CEP126: variants seen among roughly 807,000 people sequenced by gnomAD.
CEP126 encodes centrosomal protein of 126 kDa.
CEP126 carries 74 observed loss-of-function variants against 107.8 expected under a neutral mutation model. The ratio of observed to expected loss-of-function variants is 0.69; its 90% confidence interval spans 0.57 to 0.83. The LOEUF is 0.83. Ranked by LOEUF, CEP126 falls within the 40% of genes least tolerant of loss-of-function variation. The probability of loss-of-function intolerance (pLI) is 0.00; values close to 1 mark genes in which losing one functional copy is unlikely to be tolerated. For synonymous variants in CEP126, 449 were observed against 446.0 expected (o/e 1.01, Z -0.08); for missense variants, 1,237 against 1,281.9 (o/e 0.96, Z 0.53).
chr11:101,942,215 A>G (rs1940675100), intron 2 of CEP126, among the ~76,000 whole-genome samples: 1 of 152,144 alleles, frequency 6.6e-6, no homozygotes, highest in South Asian at 2.1e-4. Context: ...ACTCAATGTC[A>G]TGAAGCTTTT....
intron 4 of CEP126, among the ~76,000 whole-genome samples, chr11:101,948,546 C>T (rs1216328393): frequency 6.6e-6 from 1 of 152,048 alleles, no homozygotes; most frequent in Non-Finnish European, 1.5e-5. Context: ...GAAAATCTCT[C>T]CTGGATGTCT....
chr11:101,922,674 A>G lies in CEP126; in HGVS notation c.162A>G (p.Glu54=). The G allele has an allele frequency of 6.2e-7, 1 of 1,609,166 alleles. No individual in the cohort carries two copies. The highest frequency in any genetic ancestry group is 1.1e-5 in the South Asian group (1 of 90,964). ...DMKIHLEKNL[E]EERQILLQQQ... is the part of the protein sequence containing the mutation. ...AAATCCATCTGGAGAAAAATTTAGA[A>G]GAAGAGCGCCAGATATTACTGCAGC... is the stretch of plus-strand genomic sequence containing the variant. Residue 54 remains glutamate (E), a synonymous_variant, in exon 2 of 11, where the codon GAA becomes GAG. Coordinates refer to ENST00000263468, the MANE Select transcript of CEP126 (RefSeq NM_020802.4).
At chr11:101,958,503 A>G (rs1940930164) in intron 5 of CEP126, 137 bp downstream of exon 5, 1 of 665,842 alleles carries the variant, frequency 1.5e-6, no homozygotes, top group Admixed American at 2.9e-5. Context: ...GAATCAGCAC[A>G]AATTCATCAT....
At chr11:101,917,949 G>C (rs76811856) in intron 1 of CEP126, among the ~76,000 whole-genome samples, 1 of 152,192 alleles carries the variant, frequency 6.6e-6, no homozygotes, top group East Asian at 1.9e-4. Flanking sequence ...ACAGGAACAG[G>C]GTTCTTTCTT....
intron 6 of CEP126, among the ~76,000 whole-genome samples, chr11:101,967,988 A>G (rs1941077858): frequency 6.6e-6 from 1 of 152,176 alleles, no homozygotes; most frequent in Non-Finnish European, 1.5e-5. Context: ...TTTCAATTAT[A>G]TTTGTACAAT....
intron 4 of CEP126, among the ~76,000 whole-genome samples, chr11:101,950,731 T>A (rs984033009): frequency 6.6e-6 from 1 of 152,184 alleles, no homozygotes; most frequent in South Asian, 2.1e-4. Flanking sequence ...CCTGAGGAAA[T>A]AGAACTTATT....
At chr11:101,987,207 A>G (rs1221805985) in intron 9 of CEP126, among the ~76,000 whole-genome samples, 166 bp downstream of exon 9, 1 of 152,250 alleles carries the variant, frequency 6.6e-6, no homozygotes, top group Non-Finnish European at 1.5e-5. Flanking sequence ...TATTTCAAGT[A>G]TGCCATATCA....
At chr11:101,961,315 G>A (rs1012158352) in intron 5 of CEP126, among the ~76,000 whole-genome samples, 3 of 152,008 alleles carry the variant, frequency 2.0e-5, no homozygotes, top group Admixed American at 6.6e-5. Flanking sequence ...ACTCACATTA[G>A]GATCACAGAG....
rs963230331 is a variant in CEP126 at position 101,999,440 on chromosome 11, A to C, written c.*1797A>C. 1 of 151,308 alleles carries C rather than the reference A, an allele frequency of 6.6e-6. No homozygotes were observed. The highest frequency in any genetic ancestry group is 2.4e-5 in the African/African-American group (1 of 41,148). The allele number at this position is 151,308 out of a possible 1,614,324, so 9.4% of individuals were successfully genotyped here. A position where few individuals can be genotyped will look rare whatever the true frequency, so the allele number is the denominator to read the frequency against. On this transcript the variant is annotated 3_prime_UTR_variant, in exon 11 of 11. Coordinates refer to ENST00000263468, the MANE Select transcript of CEP126 (RefSeq NM_020802.4). Reference sequence around the variant, plus strand: ...CTTAGGAACCAAAGAATGCCTCTACAAGCAAAAAGATAGTTGAAAATAGTT... The same window carrying C: ...CTTAGGAACCAAAGAATGCCTCTACCAGCAAAAAGATAGTTGAAAATAGTT...
At chr11:101,989,397 C>A (rs554013897) in intron 9 of CEP126, among the ~76,000 whole-genome samples, 32 of 152,246 alleles carry the variant, frequency 2.1e-4, no homozygotes, top group African/African-American at 7.2e-4. Context: ...CTAGATGCCA[C>A]AGCACTTCCC....
At position 101,963,002 on chromosome 11, in the gene CEP126, C is replaced by A; in HGVS notation, c.1967C>A (p.Thr656Asn). 6.2e-7 allele frequency: 1 copy of A among 1,613,790 alleles called. No individual in the cohort carries two copies. Among genetic ancestry groups the A allele is most frequent in the Non-Finnish European group, 8.5e-7 (1 of 1,179,926 alleles). The change falls in exon 6 of 11, where the codon ACT (threonine) becomes AAT (asparagine). Residue 656 changes from threonine (T) to asparagine (N), a missense_variant. Thr to Asn is a moderately conservative substitution (Grantham distance 65, BLOSUM62 0). Around this residue, in one of 3 missense-constraint regions of CEP126, gnomAD observed 1,134 missense variants for 1,150.5 expected, o/e 0.99. Coordinates refer to ENST00000263468, the MANE Select transcript of CEP126 (RefSeq NM_020802.4). ...SHSLKNKTGT[T>N]QQHSQQFHIQ... is the part of the protein sequence containing the mutation. ...TCACTGAAGAATAAAACAGGAACAACTCAACAGCATTCTCAACAATTCCAC... is the reference window on the plus strand; with the variant it reads ...TCACTGAAGAATAAAACAGGAACAAATCAACAGCATTCTCAACAATTCCAC...
rs566871730 is a variant in CEP126 at position 101,988,490 on chromosome 11, T to C, written c.3244+1449T>C. Among the ~76,000 whole-genome samples, 4 of 152,260 alleles carry C rather than the reference T, an allele frequency of 2.6e-5. No individual in the cohort carries two copies. In the East Asian group the frequency reaches 7.7e-4, roughly 29 times the overall value. ...ATAACGGTTGACAACTTTTCCAATTTGATGAACAATGCCAATCTACAGATT... is the reference window on the plus strand; with the variant it reads ...ATAACGGTTGACAACTTTTCCAATTCGATGAACAATGCCAATCTACAGATT... On this transcript the variant is annotated intron_variant, in intron 9 of 10. Coordinates refer to ENST00000263468, the MANE Select transcript of CEP126 (RefSeq NM_020802.4).
chr11:101,980,149 T>A (rs117527784), intron 7 of CEP126, among the ~76,000 whole-genome samples: 1 of 152,166 alleles, frequency 6.6e-6, no homozygotes, highest in East Asian at 1.9e-4. Flanking sequence ...GTTAATCACA[T>A]TACCCATATA....
chr11:101,967,206 A>G (rs1342850894), intron 6 of CEP126, among the ~76,000 whole-genome samples: 1 of 151,590 alleles, frequency 6.6e-6, no homozygotes, highest in African/African-American at 2.4e-5. Flanking sequence ...ATATAGAGAC[A>G]GGGTCTCCCT....
Position 101,997,622 on chromosome 11 carries a change from C to T in CEP126, c.3333C>T (p.Ser1111=). Residue 1111 remains serine (S), a synonymous_variant, in exon 11 of 11, where the codon AGC becomes AGT. Coordinates refer to ENST00000263468, the MANE Select transcript of CEP126 (RefSeq NM_020802.4). ...AGGAGAAGAGAGAAGATAGAACCAG[C>T]AGCTGCAGAGACAAGAGATAATTCC... is the stretch of plus-strand genomic sequence containing the variant. The part of the protein sequence containing the change: ...PLLEKREDRT[S]SCRDKR The T allele has an allele frequency of 1.2e-6, 2 of 1,613,728 alleles. No homozygotes were observed. Among genetic ancestry groups the T allele is most frequent in the Non-Finnish European group, 1.7e-6 (2 of 1,179,744 alleles).
In CEP126 at chr11:101,972,652, T is replaced by C. The variant is rs184859374; in HGVS notation, c.2846-5695T>C. On this transcript the variant is annotated intron_variant, in intron 6 of 10. Transcript: ENST00000263468. ...CCTGTCTCTACTAAAAATACAAAAATTAGCCGGGTGTGCTGGCGCGCACCT... is the reference window on the plus strand; with the variant it reads ...CCTGTCTCTACTAAAAATACAAAAACTAGCCGGGTGTGCTGGCGCGCACCT... Among the ~76,000 whole-genome samples, 42 of 151,904 alleles carry C rather than the reference T, an allele frequency of 2.8e-4. No homozygotes were observed. In the East Asian group the frequency reaches 3.7e-3, roughly 13 times the overall value.
chr11:101,984,057 C>T (rs1208597569), intron 8 of CEP126, among the ~76,000 whole-genome samples: 1 of 152,180 alleles, frequency 6.6e-6, no homozygotes, highest in Non-Finnish European at 1.5e-5. Context: ...CAAAAATAAT[C>T]TTTATGCCAC....
intron 7 of CEP126, 105 bp from the exon 8 acceptor site, chr11:101,981,784 T>C: frequency 8.1e-6 from 5 of 617,958 alleles, no homozygotes; most frequent in Non-Finnish European, 2.8e-6. Context: ...TGAACAATTG[T>C]AGCTAAAAAT....
chr11:101,990,760 C>T (rs545751789), intron 9 of CEP126, among the ~76,000 whole-genome samples: 10 of 151,450 alleles, frequency 6.6e-5, no homozygotes, highest in Non-Finnish European at 1.0e-4. Context: ...TTCTACTGTG[C>T]GCACATGCAG....
Sources: allele counts gnomAD v4.1 joint callset (sites outside exome capture counted in the v4.1 genomes callset), GRCh38; gene constraint gnomAD v4.1.1; regional missense constraint gnomAD v4.1.1; transcripts MANE v1.5; gene names NCBI Gene and HGNC (gene_info 2026-07-23, HGNC 2026-07-21).